FIG4: variants seen among roughly 807,000 people sequenced by gnomAD.
FIG4 encodes the protein polyphosphoinositide phosphatase.
A neutral mutation model predicts 118.6 loss-of-function variants in FIG4; 112 were observed. The ratio of observed to expected loss-of-function variants is 0.94; its 90% CI spans 0.81 to 1.11. The LOEUF (loss-of-function observed/expected upper bound fraction) is 1.11. Ranked by LOEUF, FIG4 falls within the 50% of genes least tolerant of loss-of-function variation. The probability of loss-of-function intolerance (pLI) is 0.00; values close to 1 mark genes in which losing one functional copy is unlikely to be tolerated. For synonymous variants in FIG4, 369 were observed against 381.2 expected (o/e 0.97, Z 0.37); for missense variants, 969 against 1,111.7 (o/e 0.87, Z 1.83).
chr6:109,767,544 G>T (rs1583704898), intron 15 of FIG4, among the ~76,000 whole-genome samples: 1 of 152,220 alleles, frequency 6.6e-6, no homozygotes, highest in African/African-American at 2.4e-5. Context: ...ATTAAGGATA[G>T]AAAAGTTTAC....
intron 16 of FIG4, among the ~76,000 whole-genome samples, chr6:109,778,367 G>T (rs1200098433): frequency 6.6e-6 from 1 of 151,574 alleles, no homozygotes; most frequent in African/African-American, 2.4e-5. Context: ...CTACTCGGGA[G>T]TCTGAGGCAG....
chr6:109,814,447 ATT>A (rs76859106), intron 22 of FIG4, among the ~76,000 whole-genome samples: 2 of 150,934 alleles, frequency 1.3e-5, no homozygotes, highest in Non-Finnish European at 3.0e-5. Context: ...TGGCCTAATG[ATT>A]TTTTTTTTAT....
chr6:109,708,701 G>T (rs1775165960), intron 1 of FIG4, among the ~76,000 whole-genome samples: 1 of 152,022 alleles, frequency 6.6e-6, no homozygotes, highest in African/African-American at 2.4e-5. Context: ...GTTTTGATTT[G>T]CATTTCTCTA....
At chr6:109,757,832 C>G (rs11961286) in intron 10 of FIG4, among the ~76,000 whole-genome samples, 3,177 of 152,180 alleles carry the variant, frequency 0.021, 100 homozygotes, top group African/African-American at 0.074. Context: ...GACAGAGAGT[C>G]AAATCATGAA....
Position 109,716,586 on chromosome 6 carries a change from C to A in FIG4, c.289+18C>A, listed in dbSNP as rs1344851841. 6.2e-7 allele frequency: 1 copy of A among 1,613,228 alleles called. No homozygotes were observed. Among genetic ancestry groups the A allele is most frequent in the South Asian group, 1.1e-5 (1 of 91,028 alleles). On this transcript the variant is annotated intron_variant, in intron 3 of 22. Transcript: ENST00000230124. ...TGTTGTGGGTAAGAAATCTGCCCCC[C>A]TTCTTACAATCTCTTGTTTTTTGTT...
intron 7 of FIG4, among the ~76,000 whole-genome samples, chr6:109,740,115 TG>T (rs1384264130): frequency 1.3e-5 from 2 of 152,164 alleles, no homozygotes; most frequent in Non-Finnish European, 2.9e-5. Flanking sequence ...AAATTCTACC[TG>T]GGAAGAACAC....
At chr6:109,757,583 C>T (rs1025240306) in intron 10 of FIG4, among the ~76,000 whole-genome samples, 1 of 152,144 alleles carries the variant, frequency 6.6e-6, no homozygotes. Flanking sequence ...CACCACTCCT[C>T]TTCAACATGG....
intron 10 of FIG4, among the ~76,000 whole-genome samples, chr6:109,749,844 A>G (rs555751385): frequency 2.0e-5 from 3 of 152,282 alleles, no homozygotes; most frequent in African/African-American, 7.2e-5. Flanking sequence ...GTACTTGTTT[A>G]TTGTTCTATT....
rs1264413819 is a variant in FIG4, at chr6:109,786,304, A to G, written c.1951A>G (p.Ile651Val). Residue 651 changes from isoleucine (I) to valine (V), a missense_variant and splice_region_variant, in exon 18 of 23, where the codon ATC becomes GTC. This residue lies in a region of FIG4 where 330 missense variants were observed against 348.1 expected (regional missense o/e 0.95). Coordinates refer to ENST00000230124, the MANE Select transcript of FIG4 (RefSeq NM_014845.6). The stretch of plus-strand genomic sequence containing the variant: ...GTAACATGCAGTATCTCTCTTAGTT[A>G]TCTGTGCTGTGAACTTAAAGAAGTT... ...KHLPLPYDEV[I>V]CAVNLKKLIV... 6.2e-7 allele frequency: 1 copy of G among 1,611,658 alleles called. No individual in the cohort carries two copies. Among genetic ancestry groups the G allele is most frequent in the Non-Finnish European group, 8.5e-7 (1 of 1,177,968 alleles).
At chr6:109,709,237 G>T (rs1775183046) in intron 1 of FIG4, among the ~76,000 whole-genome samples, 1 of 152,114 alleles carries the variant, frequency 6.6e-6, no homozygotes, top group Non-Finnish European at 1.5e-5. Flanking sequence ...CCCATTGCTT[G>T]TTTTAGTAAG....
chr6:109,707,684 C>T (rs1775130707), intron 1 of FIG4, among the ~76,000 whole-genome samples: 1 of 151,902 alleles, frequency 6.6e-6, no homozygotes, highest in South Asian at 2.1e-4. Flanking sequence ...CTACATGCTT[C>T]ATTTTGGCCT....
chr6:109,790,442 G>T (rs1778105568), intron 19 of FIG4, among the ~76,000 whole-genome samples: 1 of 152,154 alleles, frequency 6.6e-6, no homozygotes, highest in South Asian at 2.1e-4. Flanking sequence ...AAAGAAGGAA[G>T]GTCTTCAGGA....
intron 3 of FIG4, among the ~76,000 whole-genome samples, chr6:109,718,155 G>A (rs1003528025): frequency 6.6e-6 from 1 of 152,040 alleles, no homozygotes; most frequent in Admixed American, 6.6e-5. Context: ...GGAATGGTGG[G>A]GGAGGTGCCA....
At chr6:109,763,652 G>A (rs188635088) in intron 12 of FIG4, among the ~76,000 whole-genome samples, 2 of 152,146 alleles carry the variant, frequency 1.3e-5, no homozygotes, top group Non-Finnish European at 2.9e-5. Context: ...TGAAAGCAAG[G>A]GAGATTTTGG....
At chr6:109,789,950 C>T (rs1778092341) in intron 19 of FIG4, among the ~76,000 whole-genome samples, 1 of 152,174 alleles carries the variant, frequency 6.6e-6, no homozygotes, top group Admixed American at 6.5e-5. Context: ...TGTTTCCCAA[C>T]ATGAAATAGT....
intron 10 of FIG4, among the ~76,000 whole-genome samples, chr6:109,745,167 T>C (rs1353045812): frequency 6.6e-6 from 1 of 152,192 alleles, no homozygotes; most frequent in Non-Finnish European, 1.5e-5. Flanking sequence ...AGTAATGGGA[T>C]TGCTGGGTCA....
chr6:109,813,667 T>C (rs1352971681), intron 22 of FIG4, among the ~76,000 whole-genome samples: 1 of 152,226 alleles, frequency 6.6e-6, no homozygotes, highest in African/African-American at 2.4e-5. Context: ...ATTCATATCC[T>C]CTTGTAATCT....
chr6:109,779,003 T>A (rs969610605), intron 16 of FIG4, among the ~76,000 whole-genome samples: 4 of 152,228 alleles, frequency 2.6e-5, no homozygotes, highest in Admixed American at 6.5e-5. Flanking sequence ...CAATGCATAT[T>A]ATTGGAATAA....
intron 21 of FIG4, among the ~76,000 whole-genome samples, chr6:109,794,723 C>G (rs1172449930): frequency 6.6e-6 from 1 of 152,224 alleles, no homozygotes; most frequent in East Asian, 1.9e-4. Flanking sequence ...GCAGGTGCCC[C>G]TGCCACCCCG....
Sources: gnomAD v4.1 joint callset for allele counts (sites outside exome capture counted in the v4.1 genomes callset) on GRCh38, gnomAD v4.1.1 for gene constraint, gnomAD v4.1.1 regional missense constraint, MANE v1.5 for transcripts, NCBI Gene and HGNC (gene_info 2026-07-23, HGNC 2026-07-21) for gene names.